The following ELMO1 variants were observed in gnomAD, a reference collection of about 807,000 sequenced individuals.
ELMO1 encodes the protein engulfment and cell motility protein 1.
Under a neutral mutation model 98.9 loss-of-function variants are expected in ELMO1, and 26 were observed. That is an observed-to-expected ratio of 0.26 (90% CI 0.19 to 0.36). The LOEUF (loss-of-function observed/expected upper bound fraction) is 0.36, where lower values mean the gene tolerates loss of function less well. Among genes scored for constraint, ELMO1 ranks in the 10% least tolerant of loss-of-function variants. ELMO1 has a pLI of 1.00. For synonymous variants in ELMO1, 346 were observed against 346.0 expected, an observed-to-expected ratio of 1.00 and a Z score of 0.00; for missense variants, 627 against 935.2, an observed-to-expected ratio of 0.67 and a Z score of 4.30.
At chr7:37,198,881 G>A (rs953543998) in intron 13 of ELMO1, among the ~76,000 whole-genome samples, 1 of 152,336 alleles carries the variant, frequency 6.6e-6, no homozygotes, top group South Asian at 2.1e-4. Context: ...GGGGAAGGAG[G>A]AAGATTCTGG....
At chr7:37,245,472 T>C (rs1389070327) in intron 6 of ELMO1, among the ~76,000 whole-genome samples, 1 of 152,148 alleles carries the variant, frequency 6.6e-6, no homozygotes, top group African/African-American at 2.4e-5. Flanking sequence ...AAGACTAAAT[T>C]TAGTCTCTGG....
intron 13 of ELMO1, among the ~76,000 whole-genome samples, chr7:37,169,233 T>C (rs1014594264): frequency 4.6e-5 from 7 of 152,196 alleles, no homozygotes; most frequent in African/African-American, 1.4e-4. Context: ...ATTTTCCAGG[T>C]GCCGTCTGTC....
intron 18 of ELMO1, among the ~76,000 whole-genome samples, chr7:36,886,326 C>T (rs546231580): frequency 1.3e-5 from 2 of 152,170 alleles, no homozygotes; most frequent in African/African-American, 4.8e-5. Context: ...GGAAGTTCTG[C>T]CTTTGGAAGT....
At chr7:36,884,016 C>T (rs1804702110) in intron 18 of ELMO1, among the ~76,000 whole-genome samples, 1 of 152,076 alleles carries the variant, frequency 6.6e-6, no homozygotes, top group Non-Finnish European at 1.5e-5. Context: ...TACTCCACCT[C>T]CTGTGCTTAG....
intron 6 of ELMO1, among the ~76,000 whole-genome samples, chr7:37,251,503 C>T (rs966395909): frequency 2.6e-5 from 4 of 152,182 alleles, no homozygotes; most frequent in African/African-American, 9.7e-5. Flanking sequence ...TTTTAAAAGC[C>T]CAGCCTTGTT....
chr7:37,260,529 AC>A (rs1795925277), intron 5 of ELMO1, among the ~76,000 whole-genome samples: 1 of 151,952 alleles, frequency 6.6e-6, no homozygotes, highest in South Asian at 2.1e-4. Context: ...GAAAGACTCC[AC>A]CCCAGCAGGT....
chr7:37,026,730 C>T (rs1342764465), intron 15 of ELMO1, among the ~76,000 whole-genome samples: 1 of 152,180 alleles, frequency 6.6e-6, no homozygotes, highest in African/African-American at 2.4e-5. Flanking sequence ...AAAGCCCAGA[C>T]CTCTGCTAAT....
At chr7:37,338,509 C>T (rs1298462439) in intron 2 of ELMO1, among the ~76,000 whole-genome samples, 1 of 152,212 alleles carries the variant, frequency 6.6e-6, no homozygotes, top group South Asian at 2.1e-4. Flanking sequence ...TTCTGTTGTT[C>T]ATAAATTTCC....
chr7:37,094,394 C>T (rs1784270004), intron 15 of ELMO1, among the ~76,000 whole-genome samples: 1 of 152,192 alleles, frequency 6.6e-6, no homozygotes, highest in Non-Finnish European at 1.5e-5. Flanking sequence ...GAGTTCTGCC[C>T]TGATTCCTGG....
At chr7:36,857,847 A>G (rs1200596832) in intron 21 of ELMO1, among the ~76,000 whole-genome samples, 1 of 152,234 alleles carries the variant, frequency 6.6e-6, no homozygotes, top group Non-Finnish European at 1.5e-5. Flanking sequence ...TCAAGGCTTC[A>G]CAGAGAAAAG....
rs555122066 is a variant in ELMO1, at chr7:37,384,842, C to A, written c.-73-42079G>T. Among the ~76,000 whole-genome samples the A allele has an allele frequency of 4.6e-5, 7 of 152,216 alleles. No homozygotes were observed. In the East Asian group the frequency reaches 7.7e-4, roughly 17 times the overall value. ...AAATTACTTCTTTCACTCTAATCTG[C>A]AATAAAACTAGCAACGGTTGTACAC... On this transcript the variant is annotated intron_variant, in intron 1 of 21. Transcript: ENST00000310758.
At chr7:36,903,277 C>T (rs1286665703) in intron 16 of ELMO1, among the ~76,000 whole-genome samples, 1 of 152,172 alleles carries the variant, frequency 6.6e-6, no homozygotes, top group Non-Finnish European at 1.5e-5. Context: ...ATGTTACCAC[C>T]CTTTATCATT....
At chr7:36,929,120 C>G (rs759895422) in intron 16 of ELMO1, among the ~76,000 whole-genome samples, 7 of 152,214 alleles carry the variant, frequency 4.6e-5, no homozygotes, top group African/African-American at 7.2e-5. Flanking sequence ...AACCAAAGCC[C>G]CATACTCTCT....
At chr7:37,258,568 C>T (rs1428449467) in intron 6 of ELMO1, among the ~76,000 whole-genome samples, 4 of 152,116 alleles carry the variant, frequency 2.6e-5, no homozygotes, top group Non-Finnish European at 5.9e-5. Context: ...AAGGCAAGCT[C>T]GTAAGAAAAA....
At chr7:37,084,698 T>C (rs886476738) in intron 15 of ELMO1, among the ~76,000 whole-genome samples, 1 of 152,174 alleles carries the variant, frequency 6.6e-6, no homozygotes, top group Non-Finnish European at 1.5e-5. Context: ...GGGAATTCTC[T>C]GTTACATAGA....
At chr7:37,028,671 C>T (rs1794714169) in intron 15 of ELMO1, among the ~76,000 whole-genome samples, 1 of 152,144 alleles carries the variant, frequency 6.6e-6, no homozygotes, top group African/African-American at 2.4e-5. Flanking sequence ...CATCCTTTAA[C>T]TCCTGGGCTC....
At chr7:37,013,909 C>T (rs929788858) in intron 15 of ELMO1, among the ~76,000 whole-genome samples, 5 of 152,314 alleles carry the variant, frequency 3.3e-5, no homozygotes, top group Admixed American at 2.6e-4. Context: ...GATTATTTCT[C>T]CAGGAGGCTC....
intron 14 of ELMO1, among the ~76,000 whole-genome samples, chr7:37,117,940 T>C (rs1050485763): frequency 2.6e-5 from 4 of 152,106 alleles, no homozygotes; most frequent in Admixed American, 6.5e-5. Flanking sequence ...TGGCAACATA[T>C]AATTTTATTT....
At chr7:37,194,946 A>T (rs1791874796) in intron 13 of ELMO1, among the ~76,000 whole-genome samples, 2 of 152,180 alleles carry the variant, frequency 1.3e-5, no homozygotes, top group South Asian at 4.1e-4. Context: ...TTCAACACAC[A>T]CTTACCATAT....
Sources: gnomAD v4.1 joint callset for allele counts (sites outside exome capture counted in the v4.1 genomes callset) on GRCh38, gnomAD v4.1.1 for gene constraint, MANE v1.5 for transcripts, NCBI Gene and HGNC (gene_info 2026-07-23, HGNC 2026-07-21) for gene names.